Variants in RAB9B observed in about 807,000 individuals in gnomAD.
RAB9B encodes the protein ras-related protein Rab-9B.
RAB9B carries 1 observed loss-of-function variant against 8.9 expected under a neutral mutation model. That is an observed-to-expected ratio of 0.11 (90% CI 0.04 to 0.53). The LOEUF (loss-of-function observed/expected upper bound fraction) is 0.53. RAB9B is among the 20% of genes least tolerant of loss of function. The probability of loss-of-function intolerance (pLI) is 0.93; values close to 1 mark genes in which losing one functional copy is unlikely to be tolerated. For synonymous variants in RAB9B, 63 were observed against 57.0 expected, an observed-to-expected ratio of 1.10 and a Z score of -0.47; for missense variants, 82 against 152.9, an observed-to-expected ratio of 0.54 and a Z score of 2.45.
At chrX:103,808,607 T>C in the RAB9B span, among the ~76,000 whole-genome samples, 3 of 112,774 alleles carry the variant, frequency 2.7e-5, no homozygotes, top group Admixed American at 9.3e-5. Flanking sequence ...TTGAAAACAC[T>C]GCCTTGGAGC....
rs1247714355 is a variant in RAB9B, at chrX:103,832,095, G to C, written c.-152C>G. Reference sequence around the variant, plus strand: ...GGGAAGGAAACAGGAGAGGGCCGCGGGTGCCAGGCAGGTCAGCTCTGCGTG... The same window carrying C: ...GGGAAGGAAACAGGAGAGGGCCGCGCGTGCCAGGCAGGTCAGCTCTGCGTG... On this transcript the variant is annotated 5_prime_UTR_variant, in exon 1 of 3. Coordinates refer to ENST00000243298, the MANE Select transcript of RAB9B (RefSeq NM_016370.4). 1 of 112,564 alleles carries C rather than the reference G, an allele frequency of 8.9e-6. No individual in the cohort carries two copies. The highest frequency in any genetic ancestry group is 3.2e-5 in the African/African-American group (1 of 30,931). 9.3% of individuals were successfully genotyped at this position (112,564 alleles called of 1,213,427 possible).
chrX:103,781,884 T>A, the RAB9B span, among the ~76,000 whole-genome samples: 60 of 111,945 alleles, frequency 5.4e-4, no homozygotes, highest in African/African-American at 1.9e-3. Context: ...CCCTAGAATC[T>A]CTTCCAGCCT....
the RAB9B span, among the ~76,000 whole-genome samples, chrX:103,778,957 A>G: frequency 2.7e-5 from 3 of 111,925 alleles, no homozygotes; most frequent in Non-Finnish European, 5.6e-5. Flanking sequence ...AACCAATTAA[A>G]TGTTCGTACA....
chrX:103,806,790 T>C, the RAB9B span, among the ~76,000 whole-genome samples: 3 of 111,619 alleles, frequency 2.7e-5, no homozygotes, highest in Non-Finnish European at 5.6e-5. Context: ...GTTAGGTGCA[T>C]ATATGGGATA....
the RAB9B span, among the ~76,000 whole-genome samples, chrX:103,793,707 T>C: frequency 4.5e-5 from 5 of 110,943 alleles, no homozygotes; most frequent in East Asian, 5.7e-4. Context: ...GATGAATCTA[T>C]AGATGGAGTT....
the RAB9B span, among the ~76,000 whole-genome samples, chrX:103,794,975 A>T: frequency 1.8e-5 from 2 of 112,377 alleles, no homozygotes; most frequent in Non-Finnish European, 3.8e-5. Context: ...CTGATTATGG[A>T]TCAGTCCAAA....
the RAB9B span, among the ~76,000 whole-genome samples, chrX:103,782,767 T>C: frequency 3.1e-5 from 3 of 96,912 alleles, no homozygotes; most frequent in African/African-American, 1.1e-4. Context: ...CAAACAGTCC[T>C]GCCATTGTTC....
chrX:103,821,720 A>G (rs763770815), downstream of RAB9B, among the ~76,000 whole-genome samples: 6 of 111,858 alleles, frequency 5.4e-5, no homozygotes, highest in South Asian at 3.7e-4. Flanking sequence ...TACTCTGTTT[A>G]TATTTTTTGA....
At chrX:103,814,533 A>G in the RAB9B span, among the ~76,000 whole-genome samples, 17 of 111,412 alleles carry the variant, frequency 1.5e-4, no homozygotes, top group African/African-American at 5.5e-4. Context: ...AAGAACTAGA[A>G]AAGGAAGAGC....
In RAB9B at chrX:103,827,538, G is replaced by T. The variant is rs759806766; in HGVS notation, c.-116-460C>A. Among the ~76,000 whole-genome samples the T allele has an allele frequency of 9.8e-5, 11 of 112,142 alleles. No individual in the cohort carries two copies. In the Admixed American group the frequency reaches 1.0e-3, roughly 11 times the overall value. ...GCACTCACCAGTCTGTCTCAAGGTTGTCTCTGCAATTGATTCCACATAATT... is the reference window on the plus strand; with the variant it reads ...GCACTCACCAGTCTGTCTCAAGGTTTTCTCTGCAATTGATTCCACATAATT... On this transcript the variant is annotated intron_variant, in intron 1 of 2. Coordinates refer to ENST00000243298, the MANE Select transcript of RAB9B (RefSeq NM_016370.4).
chrX:103,803,870 T>A, the RAB9B span, among the ~76,000 whole-genome samples: 1 of 112,814 alleles, frequency 8.9e-6, no homozygotes, highest in Non-Finnish European at 1.9e-5. Context: ...GCCACCGCGT[T>A]TGGCCTACTT....
chrX:103,820,841 T>C, downstream of RAB9B, among the ~76,000 whole-genome samples: 1 of 109,287 alleles, frequency 9.2e-6, no homozygotes, highest in South Asian at 4.0e-4. Flanking sequence ...TCCCAGCTAT[T>C]AGGGAGGCTG....
chrX:103,820,991 C>G (rs1156676979), downstream of RAB9B, among the ~76,000 whole-genome samples: 3 of 101,351 alleles, frequency 3.0e-5, no homozygotes, highest in Admixed American at 1.1e-4. Context: ...CATACACACA[C>G]ACACACACAC....
downstream of RAB9B, among the ~76,000 whole-genome samples, chrX:103,819,962 C>T: frequency 8.9e-6 from 1 of 112,151 alleles, no homozygotes; most frequent in East Asian, 2.8e-4. Flanking sequence ...GGAGATGGGG[C>T]CTTTGGAAGG....
At chrX:103,811,972 C>T in the RAB9B span, among the ~76,000 whole-genome samples, 1 of 108,122 alleles carries the variant, frequency 9.2e-6, no homozygotes, top group African/African-American at 3.4e-5. Context: ...AAAGAGAGGT[C>T]TCCTCTCTTT....
rs910940231 is a variant in RAB9B at position 103,832,129 on chromosome X, C to A, written c.-186G>T. The A allele has an allele frequency of 5.3e-5, 6 of 112,253 alleles. No homozygotes were observed. Among genetic ancestry groups the A allele is most frequent in the Non-Finnish European group, 7.5e-5 (4 of 53,019 alleles). 9.3% of individuals were successfully genotyped at this position (112,253 alleles called of 1,213,427 possible). A position where few individuals can be genotyped will look rare whatever the true frequency, so the allele number is the denominator to read the frequency against. ...CAGGTCAGCTCTGCGTGCCGGGAATCCGGCTCCTTAGAGTCACCGTCACTG... is the reference window on the plus strand; with the variant it reads ...CAGGTCAGCTCTGCGTGCCGGGAATACGGCTCCTTAGAGTCACCGTCACTG... On this transcript the variant is annotated 5_prime_UTR_variant, in exon 1 of 3. Transcript: ENST00000243298.
the RAB9B span, among the ~76,000 whole-genome samples, chrX:103,797,732 T>A: frequency 9.0e-6 from 1 of 111,202 alleles, no homozygotes; most frequent in African/African-American, 3.3e-5. Flanking sequence ...GCCACTTGGC[T>A]CTATTTAAAA....
the RAB9B span, among the ~76,000 whole-genome samples, chrX:103,810,322 T>C: frequency 8.9e-6 from 1 of 111,849 alleles, no homozygotes; most frequent in East Asian, 2.8e-4. Flanking sequence ...GAGGTCTGGA[T>C]GCCTGTTGGC....
At chrX:103,821,454 A>T (rs776846844), downstream of RAB9B, among the ~76,000 whole-genome samples, 10 of 111,380 alleles carry the variant, frequency 9.0e-5, no homozygotes, top group Non-Finnish European at 1.9e-4. Flanking sequence ...AAGAGAGTGA[A>T]ATCTGTGGCA....
Sources: gnomAD v4.1 joint callset for allele counts (sites outside exome capture counted in the v4.1 genomes callset) on GRCh38, gnomAD v4.1.1 for gene constraint, MANE v1.5 for transcripts, NCBI Gene and HGNC (gene_info 2026-07-23, HGNC 2026-07-21) for gene names.